SUMF1: variants seen among roughly 807,000 people sequenced by gnomAD.
SUMF1 encodes the protein sulfatase modifying factor 1, also known as formylglycine-generating enzyme.
Under a neutral mutation model 47.6 loss-of-function variants are expected in SUMF1, and 48 were observed. The observed-to-expected ratio is 1.01, with a 90% CI of 0.80 to 1.28. The LOEUF (loss-of-function observed/expected upper bound fraction) is 1.28, where lower values mean the gene tolerates loss of function less well. Ranked by LOEUF, SUMF1 falls within the 50% of genes most tolerant of loss-of-function variation. SUMF1 has a pLI of 0.00. For missense variants in SUMF1, 571 were observed against 485.4 expected (o/e 1.18, Z -1.66); for synonymous variants, 230 against 192.1 (o/e 1.20, Z -1.63).
At chr3:4,289,151 C>CG (rs1697692573) in intron 8 of SUMF1, among the ~76,000 whole-genome samples, 1 of 152,140 alleles carries the variant, frequency 6.6e-6, no homozygotes, top group African/African-American at 2.4e-5. Context: ...TACGAGGTTT[C>CG]GGGAAAATGG....
At chr3:4,396,205 G>A (rs1327680100) in intron 7 of SUMF1, among the ~76,000 whole-genome samples, 1 of 152,228 alleles carries the variant, frequency 6.6e-6, no homozygotes, top group African/African-American at 2.4e-5. Context: ...AGGCCAGGAT[G>A]TCTGGCTTCA....
chr3:4,322,747 T>G (rs188789674), intron 8 of SUMF1, among the ~76,000 whole-genome samples: 48 of 151,676 alleles, frequency 3.2e-4, no homozygotes, highest in African/African-American at 1.1e-3. Context: ...ATTGGTTGGT[T>G]GGTTGCAAAA....
intron 8 of SUMF1, among the ~76,000 whole-genome samples, chr3:4,367,138 G>A (rs905730153): frequency 4.7e-4 from 72 of 152,158 alleles, no homozygotes; most frequent in African/African-American, 1.6e-3. Flanking sequence ...CTGGGGGGGT[G>A]CCTCACAGTT....
intron 7 of SUMF1, among the ~76,000 whole-genome samples, chr3:4,378,662 T>C (rs1397889998): frequency 6.6e-6 from 1 of 152,190 alleles, no homozygotes; most frequent in African/African-American, 2.4e-5. Flanking sequence ...ATAAGACAAT[T>C]ACCAAGAATT....
chr3:4,193,118 A>C (rs1695355485), intron 8 of SUMF1, among the ~76,000 whole-genome samples: 1 of 152,100 alleles, frequency 6.6e-6, no homozygotes. Flanking sequence ...CAATGATCAT[A>C]ATGTTCTATA....
At chr3:4,074,888 G>T (rs1214233954) in intron 8 of SUMF1, among the ~76,000 whole-genome samples, 2 of 151,998 alleles carry the variant, frequency 1.3e-5, no homozygotes, top group Non-Finnish European at 2.9e-5. Flanking sequence ...GGACCAGATG[G>T]ATTCAGAACC....
At chr3:4,367,119 C>G (rs192750256) in intron 8 of SUMF1, among the ~76,000 whole-genome samples, 169 of 151,984 alleles carry the variant, frequency 1.1e-3, no homozygotes, top group East Asian at 4.3e-3. Flanking sequence ...AGGTGTCAGT[C>G]TGCCCCTACT....
intron 8 of SUMF1, among the ~76,000 whole-genome samples, chr3:4,138,956 AAT>A (rs1289830603): frequency 2.6e-5 from 4 of 152,104 alleles, no homozygotes; most frequent in South Asian, 4.1e-4. Flanking sequence ...ATAGTATGGT[AAT>A]GAGCATTTCT....
intron 8 of SUMF1, among the ~76,000 whole-genome samples, chr3:4,088,258 TC>T (rs1374269679): frequency 1.3e-5 from 2 of 152,112 alleles, no homozygotes; most frequent in African/African-American, 4.8e-5. Context: ...GTAAGACCAG[TC>T]TGCTTTTTAC....
intron 6 of SUMF1, among the ~76,000 whole-genome samples, chr3:4,413,336 A>G (rs1701605643): frequency 6.6e-6 from 1 of 152,158 alleles, no homozygotes; most frequent in Non-Finnish European, 1.5e-5. Flanking sequence ...ACACTAGGCA[A>G]GCAACTTAAC....
chr3:4,345,564 C>T (rs867213314), intron 8 of SUMF1, among the ~76,000 whole-genome samples: 2 of 152,190 alleles, frequency 1.3e-5, no homozygotes, highest in African/African-American at 4.8e-5. Context: ...AAACTGGTAG[C>T]AGCCACTGCA....
At chr3:4,435,545 T>A (rs1702370137) in intron 3 of SUMF1, among the ~76,000 whole-genome samples, 1 of 152,014 alleles carries the variant, frequency 6.6e-6, no homozygotes, top group South Asian at 2.1e-4. Context: ...CATACAAGAA[T>A]CTCAAGAAAC....
chr3:4,085,620 C>T (rs1574869323), intron 8 of SUMF1, among the ~76,000 whole-genome samples: 1 of 152,028 alleles, frequency 6.6e-6, no homozygotes, highest in Non-Finnish European at 1.5e-5. Context: ...AAAGTTCATT[C>T]TCCCAGTCAT....
At chr3:4,250,376 C>G (rs952940885) in intron 8 of SUMF1, among the ~76,000 whole-genome samples, 1 of 151,922 alleles carries the variant, frequency 6.6e-6, no homozygotes, top group Non-Finnish European at 1.5e-5. Flanking sequence ...ATCTAGCAGA[C>G]GTTGGCTCAT....
At chr3:4,088,452 A>G (rs1692717467) in intron 8 of SUMF1, among the ~76,000 whole-genome samples, 1 of 152,062 alleles carries the variant, frequency 6.6e-6, no homozygotes, top group Admixed American at 6.6e-5. Flanking sequence ...TGCAAACATC[A>G]TCTTAGCAAG....
chr3:4,271,829 T>G (rs1368340161), intron 8 of SUMF1, among the ~76,000 whole-genome samples: 1 of 151,982 alleles, frequency 6.6e-6, no homozygotes, highest in African/African-American at 2.4e-5. Flanking sequence ...AATTAAAAAC[T>G]AAAATCATAG....
chr3:4,438,607 T>C (rs1052790405), intron 3 of SUMF1, among the ~76,000 whole-genome samples: 2 of 152,184 alleles, frequency 1.3e-5, no homozygotes, highest in East Asian at 3.8e-4. Flanking sequence ...GAGGAAGACA[T>C]ACTTCCAAAC....
intron 8 of SUMF1, among the ~76,000 whole-genome samples, chr3:4,173,518 C>A (rs1226704030): frequency 6.6e-6 from 1 of 152,152 alleles, no homozygotes; most frequent in African/African-American, 2.4e-5. Context: ...ACCCAGCAAT[C>A]CCATTAATGG....
chr3:4,097,443 C>T (rs1341648431), intron 8 of SUMF1, among the ~76,000 whole-genome samples: 1 of 151,968 alleles, frequency 6.6e-6, no homozygotes, highest in East Asian at 1.9e-4. Context: ...ATCCCAGCTA[C>T]TTGGGAGGCT....
Sources: gnomAD v4.1 joint callset for allele counts (sites outside exome capture counted in the v4.1 genomes callset) on GRCh38, gnomAD v4.1.1 for gene constraint, MANE v1.5 for transcripts, NCBI Gene and HGNC (gene_info 2026-07-23, HGNC 2026-07-21) for gene names.